Variants in PRRC2C observed in about 807,000 individuals in gnomAD.
PRRC2C encodes proline rich coiled-coil 2C, also known as protein PRRC2C.
A neutral mutation model predicts 317.2 loss-of-function variants in PRRC2C; 72 were observed. The observed-to-expected ratio is 0.23, with a 90% CI of 0.19 to 0.28. The LOEUF (loss-of-function observed/expected upper bound fraction) is 0.28, where lower values mean the gene tolerates loss of function less well. PRRC2C is among the 10% of genes least tolerant of loss of function. The pLI is 1.00. For synonymous variants in PRRC2C, 1,296 were observed against 1,205.9 expected, an observed-to-expected ratio of 1.07 and a Z score of -1.55; for missense variants, 3,074 against 3,459.7, an observed-to-expected ratio of 0.89 and a Z score of 2.80.
Position 171,523,274 on chromosome 1 carries a change from C to T in PRRC2C, c.887C>T (p.Pro296Leu). 1 of 1,613,576 alleles carries T rather than the reference C, an allele frequency of 6.2e-7. No individual in the cohort carries two copies. Among genetic ancestry groups the T allele is most frequent in the Non-Finnish European group, 8.5e-7 (1 of 1,179,690 alleles). Residue 296 changes from proline to leucine, a missense_variant, in exon 8 of 35, where the codon CCA becomes CTA. Pro to Leu is a moderately conservative substitution (Grantham distance 98, BLOSUM62 -3). Around this residue, in one of 11 missense-constraint regions of PRRC2C, gnomAD observed 50 missense variants for 88.3 expected, o/e 0.57. Coordinates refer to ENST00000647382, the MANE Select transcript of PRRC2C (RefSeq NM_001387844.1). Reference protein sequence around the residue: ...PPSWASEPERPSILSASELKE... With the variant: ...PPSWASEPERLSILSASELKE... The stretch of plus-strand genomic sequence containing the variant: ...TCATGGGCCTCTGAGCCTGAACGCC[C>T]ATCCATTCTTAGTGCATCAGAACTG...
chr1:171,559,962 T>C (rs1682344119), intron 19 of PRRC2C, among the ~76,000 whole-genome samples: 1 of 152,224 alleles, frequency 6.6e-6, no homozygotes, highest in African/African-American at 2.4e-5. Context: ...GGAAGATTTA[T>C]GTTGTTTTCA....
chr1:171,566,547 C>T (rs1157178555), intron 21 of PRRC2C, 45 bp from the exon 22 acceptor site: 1 of 1,497,200 alleles, frequency 6.7e-7, no homozygotes, highest in South Asian at 1.3e-5. Context: ...ATGAAAGATA[C>T]TCATCTATCA....
chr1:171,582,867 A>AAC (rs1553247672), intron 28 of PRRC2C, among the ~76,000 whole-genome samples: 1 of 151,634 alleles, frequency 6.6e-6, no homozygotes, highest in Admixed American at 6.6e-5. Context: ...TAAAAAAAAA[A>AAC]AAACAAATTT....
chr1:171,567,667 A>G (rs1207058774), intron 22 of PRRC2C, among the ~76,000 whole-genome samples: 2 of 152,340 alleles, frequency 1.3e-5, no homozygotes, highest in East Asian at 3.9e-4. Flanking sequence ...GAAACACACA[A>G]AAGATTCTTT....
Position 171,591,885 on chromosome 1 carries a change from G to GCCCCCCC in PRRC2C, c.*38_*39insCCCCCCC. On this transcript the variant is annotated 3_prime_UTR_variant, in exon 35 of 35. Coordinates refer to ENST00000647382, the MANE Select transcript of PRRC2C (RefSeq NM_001387844.1). ...ATTGCAGGGGATTGGGAGGGGGGCGGGAAAACATGGAGAATTAAGTCAGAT... is the reference window on the plus strand; with the variant it reads ...ATTGCAGGGGATTGGGAGGGGGGCGGCCCCCCCGAAAACATGGAGAATTAAGTCAGAT... 9 of 433,582 alleles carry GCCCCCCC rather than the reference G, an allele frequency of 2.1e-5. No individual in the cohort carries two copies. The highest frequency in any genetic ancestry group is 6.5e-5 in the East Asian group (1 of 15,368). 26.9% of individuals were successfully genotyped at this position (433,582 alleles called of 1,614,324 possible).
intron 23 of PRRC2C, among the ~76,000 whole-genome samples, chr1:171,569,977 G>A (rs72717840): frequency 0.13 from 19,078 of 152,010 alleles, 1,256 homozygotes; most frequent in East Asian, 0.21. Context: ...TTAATGGAGC[G>A]ACTTATATAC....
chr1:171,572,442 TG>T (rs1684940375), intron 24 of PRRC2C, among the ~76,000 whole-genome samples: 2 of 152,242 alleles, frequency 1.3e-5, no homozygotes, highest in South Asian at 2.1e-4. Context: ...GGAACTTTGT[TG>T]TTCTACAGTG....
intron 26 of PRRC2C, among the ~76,000 whole-genome samples, chr1:171,578,147 A>G (rs902835119): frequency 6.6e-6 from 1 of 151,834 alleles, no homozygotes; most frequent in African/African-American, 2.4e-5. Context: ...AAGTGTACAT[A>G]CTTACTGTAG....
chr1:171,529,661 G>A (rs1675399273), intron 11 of PRRC2C, among the ~76,000 whole-genome samples: 1 of 152,078 alleles, frequency 6.6e-6, no homozygotes, highest in South Asian at 2.1e-4. Context: ...CTCTTATGCT[G>A]CCTGCTCACT....
intron 22 of PRRC2C, among the ~76,000 whole-genome samples, chr1:171,567,095 C>T (rs976664923): frequency 7.2e-5 from 11 of 152,128 alleles, no homozygotes; most frequent in Admixed American, 2.0e-4. Context: ...TGAAAAACAT[C>T]TATACAAAAT....
chr1:171,540,006 C>T lies in PRRC2C; in HGVS notation c.2540C>T (p.Ala847Val), dbSNP rs777017093. Residue 847 changes from alanine (A) to valine (V), a missense_variant, in exon 16 of 35, where the codon GCT becomes GTT. Around this residue, in one of 11 missense-constraint regions of PRRC2C, gnomAD observed 1,320 missense variants for 1,395.7 expected, o/e 0.95. Coordinates refer to ENST00000647382, the MANE Select transcript of PRRC2C (RefSeq NM_001387844.1). ...EAALDQEQIT[A>V]AYSVEHNQLE... is the part of the protein sequence containing the mutation. ...GCGTTGGACCAGGAACAGATTACTGCTGCTTATTCTGTAGAACATAATCAA... is the reference window on the plus strand; with the variant it reads ...GCGTTGGACCAGGAACAGATTACTGTTGCTTATTCTGTAGAACATAATCAA... 5 of 1,613,208 alleles carry T rather than the reference C, an allele frequency of 3.1e-6. No individual in the cohort carries two copies. Among genetic ancestry groups the T allele is most frequent in the South Asian group, 1.1e-5 (1 of 90,962 alleles).
At chr1:171,487,523 ATTT>A (rs1166257033) in intron 1 of PRRC2C, among the ~76,000 whole-genome samples, 1 of 152,052 alleles carries the variant, frequency 6.6e-6, no homozygotes, top group South Asian at 2.1e-4. Flanking sequence ...GTAGAGGCTA[ATTT>A]TTTTGTGTCC....
At chr1:171,557,040 T>A (rs1681586292) in intron 18 of PRRC2C, among the ~76,000 whole-genome samples, 200 bp from the exon 19 acceptor site, 1 of 152,218 alleles carries the variant, frequency 6.6e-6, no homozygotes, top group South Asian at 2.1e-4. Context: ...GAATGTACAA[T>A]ACCTATTTGT....
intron 1 of PRRC2C, 30 bp from the exon 2 acceptor site, chr1:171,512,002 C>A: frequency 1.6e-6 from 1 of 607,602 alleles, no homozygotes; most frequent in Non-Finnish European, 2.7e-6. Flanking sequence ...GTTTTTCATC[C>A]TTATTTTTCT....
chr1:171,568,513 T>C (rs1364289535), intron 23 of PRRC2C, among the ~76,000 whole-genome samples, 174 bp downstream of exon 23: 1 of 152,198 alleles, frequency 6.6e-6, no homozygotes, highest in Non-Finnish European at 1.5e-5. Flanking sequence ...TAGTCAAAGC[T>C]GAGTTTTTTA....
intron 25 of PRRC2C, among the ~76,000 whole-genome samples, chr1:171,575,890 A>C (rs1572097680): frequency 6.6e-6 from 1 of 152,176 alleles, no homozygotes; most frequent in Non-Finnish European, 1.5e-5. Context: ...CTTTCCAGTG[A>C]TATAAATTAC....
At chr1:171,544,556 A>T (rs564323542) in intron 16 of PRRC2C, among the ~76,000 whole-genome samples, 1 of 152,322 alleles carries the variant, frequency 6.6e-6, no homozygotes, top group Non-Finnish European at 1.5e-5. Flanking sequence ...GGATAACCAA[A>T]ATAAACAGAA....
chr1:171,503,777 A>C (rs1669629013), intron 1 of PRRC2C, among the ~76,000 whole-genome samples: 1 of 152,198 alleles, frequency 6.6e-6, no homozygotes, highest in Admixed American at 6.5e-5. Context: ...AAAGAGGTTT[A>C]ATTGACTCAC....
At position 171,591,884 on chromosome 1, in the gene PRRC2C, G is replaced by GCC; in HGVS notation, c.*37_*38insCC. ...TATTGCAGGGGATTGGGAGGGGGGCGGGAAAACATGGAGAATTAAGTCAGA... is the reference window on the plus strand; with the variant it reads ...TATTGCAGGGGATTGGGAGGGGGGCGCCGGAAAACATGGAGAATTAAGTCAGA... On this transcript the variant is annotated 3_prime_UTR_variant, in exon 35 of 35. Coordinates refer to ENST00000647382, the MANE Select transcript of PRRC2C (RefSeq NM_001387844.1). 2.2e-6 allele frequency: 1 copy of GCC among 449,412 alleles called. No individual in the cohort carries two copies. The highest frequency in any genetic ancestry group is 4.1e-6 in the Non-Finnish European group (1 of 241,950). 27.8% of individuals were successfully genotyped at this position (449,412 alleles called of 1,614,324 possible).
Sources: gnomAD v4.1 joint callset for allele counts (sites outside exome capture counted in the v4.1 genomes callset) on GRCh38, gnomAD v4.1.1 for gene constraint, gnomAD v4.1.1 regional missense constraint, MANE v1.5 for transcripts, NCBI Gene and HGNC (gene_info 2026-07-23, HGNC 2026-07-21) for gene names.